The following DIAPH2 variants were observed in gnomAD, a reference collection of about 807,000 sequenced individuals.
DIAPH2 encodes protein diaphanous homolog 2.
Under a neutral mutation model 92.7 loss-of-function variants are expected in DIAPH2, and 35 were observed. The ratio of observed to expected loss-of-function variants is 0.38; its 90% CI spans 0.29 to 0.50. DIAPH2 has a LOEUF of 0.50. Ranked by LOEUF, DIAPH2 falls within the 20% of genes least tolerant of loss-of-function variation. The pLI, the probability that DIAPH2 is intolerant of heterozygous loss-of-function variation, is 0.94. For missense variants in DIAPH2, 701 were observed against 819.5 expected, an observed-to-expected ratio of 0.86 and a Z score of 1.77; for synonymous variants, 301 against 280.4, an observed-to-expected ratio of 1.07 and a Z score of -0.73.
At chrX:96,812,183 T>C (rs919420153) in intron 4 of DIAPH2, among the ~76,000 whole-genome samples, 9 of 111,918 alleles carry the variant, frequency 8.0e-5, no homozygotes, top group African/African-American at 2.9e-4. Context: ...TATTAATTAT[T>C]GCCTCAATTT....
chrX:97,290,177 A>C (rs1477202626), intron 23 of DIAPH2, among the ~76,000 whole-genome samples: 2 of 110,165 alleles, frequency 1.8e-5, no homozygotes, highest in East Asian at 2.8e-4. Context: ...AAAATGCAAT[A>C]GAATTCTGGA....
chrX:97,517,015 T>C lies in DIAPH2; in HGVS notation c.3242-82238T>C, dbSNP rs752747129. ...CAAGGTGTACAGCATGATATTTTTA[T>C]ATGCATATACATTGTGGAATGATTT... is the stretch of plus-strand genomic sequence containing the variant. On this transcript the variant is annotated intron_variant, in intron 26 of 26. Coordinates refer to ENST00000324765, the MANE Select transcript of DIAPH2 (RefSeq NM_006729.5). Among the ~76,000 whole-genome samples, 6 of 112,762 alleles carry C rather than the reference T, an allele frequency of 5.3e-5. No individual in the cohort carries two copies. The South Asian group carries it at 2.2e-3, about 41-fold the overall frequency.
At chrX:97,430,659 A>C (rs2147777830) in intron 26 of DIAPH2, among the ~76,000 whole-genome samples, 1 of 112,599 alleles carries the variant, frequency 8.9e-6, no homozygotes, top group South Asian at 3.7e-4. Flanking sequence ...GCAATTCCAA[A>C]AATATTCTCT....
chrX:97,336,973 AGT>A (rs1272833941), intron 23 of DIAPH2, among the ~76,000 whole-genome samples: 3 of 111,127 alleles, frequency 2.7e-5, no homozygotes, highest in Non-Finnish European at 5.7e-5. Flanking sequence ...TTTATGGAAA[AGT>A]GGGGTCATTG....
intron 15 of DIAPH2, among the ~76,000 whole-genome samples, chrX:96,957,060 A>G (rs2065815349): frequency 1.8e-5 from 2 of 112,505 alleles, no homozygotes; most frequent in South Asian, 7.3e-4. Flanking sequence ...TCGCTCTGTC[A>G]CCAAGGCTGG....
chrX:97,576,703 AGAAT>A (rs947726940), intron 26 of DIAPH2, among the ~76,000 whole-genome samples: 10 of 111,476 alleles, frequency 9.0e-5, no homozygotes, highest in Non-Finnish European at 1.9e-4. Flanking sequence ...ACTAGAGAAA[AGAAT>A]GAATTTATTT....
chrX:97,245,288 C>A (rs1459112969), intron 22 of DIAPH2, among the ~76,000 whole-genome samples: 2 of 109,186 alleles, frequency 1.8e-5, no homozygotes, highest in African/African-American at 6.8e-5. Flanking sequence ...AGGCACATAA[C>A]CACCGCACCC....
At chrX:96,738,545 C>A (rs746244564) in intron 2 of DIAPH2, 41 bp from the exon 3 acceptor site, 2 of 1,113,949 alleles carry the variant, frequency 1.8e-6, no homozygotes, top group Admixed American at 5.7e-5. Context: ...AGTTCTTGAT[C>A]TTTTTCTCAG....
intron 22 of DIAPH2, among the ~76,000 whole-genome samples, chrX:97,229,420 G>T (rs1159213427): frequency 9.0e-6 from 1 of 111,713 alleles, no homozygotes; most frequent in Non-Finnish European, 1.9e-5. Context: ...CTTCCTAAAA[G>T]TGGCAATTGC....
intron 22 of DIAPH2, among the ~76,000 whole-genome samples, chrX:97,179,270 G>A (rs920081469): frequency 9.6e-6 from 1 of 103,934 alleles, no homozygotes; most frequent in African/African-American, 3.6e-5. Context: ...TTTAAGTTCC[G>A]GGATATATGT....
intron 20 of DIAPH2, among the ~76,000 whole-genome samples, chrX:97,107,973 G>A (rs775647266): frequency 1.8e-5 from 2 of 109,568 alleles, no homozygotes; most frequent in African/African-American, 3.3e-5. Flanking sequence ...CTCCTTTTCC[G>A]TCACATATGA....
intron 25 of DIAPH2, among the ~76,000 whole-genome samples, chrX:97,425,902 T>C (rs968022768): frequency 2.7e-5 from 3 of 110,453 alleles, no homozygotes; most frequent in Non-Finnish European, 5.7e-5. Flanking sequence ...GTTGAGGTTC[T>C]CTGGAATTGC....
At chrX:97,352,676 T>C (rs781212688) in intron 24 of DIAPH2, among the ~76,000 whole-genome samples, 4 of 107,839 alleles carry the variant, frequency 3.7e-5, no homozygotes, top group East Asian at 5.8e-4. Context: ...GAGACCATCC[T>C]GGCTAACACG....
chrX:97,405,682 G>A (rs1244263870), intron 25 of DIAPH2, among the ~76,000 whole-genome samples: 1 of 111,761 alleles, frequency 8.9e-6, no homozygotes, highest in Non-Finnish European at 1.9e-5. Flanking sequence ...TATTTTCTCA[G>A]AGTGTTGGTA....
chrX:97,207,405 G>T (rs1156888332), intron 22 of DIAPH2, among the ~76,000 whole-genome samples: 1 of 111,723 alleles, frequency 9.0e-6, no homozygotes, highest in African/African-American at 3.3e-5. Context: ...AACAGTAATC[G>T]CAAGAATGGC....
chrX:97,373,878 A>G (rs1402712211), intron 24 of DIAPH2, among the ~76,000 whole-genome samples: 2 of 110,665 alleles, frequency 1.8e-5, no homozygotes, highest in Non-Finnish European at 3.8e-5. Context: ...CTAGAATTAC[A>G]GGCGTGAGCC....
intron 4 of DIAPH2, among the ~76,000 whole-genome samples, chrX:96,834,848 G>A (rs769506616): frequency 9.0e-6 from 1 of 111,488 alleles, no homozygotes; most frequent in African/African-American, 3.3e-5. Context: ...TTTACCTTTT[G>A]ATTGTATTTG....
At chrX:97,400,038 G>A (rs570606228) in intron 25 of DIAPH2, among the ~76,000 whole-genome samples, 55 of 112,053 alleles carry the variant, frequency 4.9e-4, no homozygotes, top group Middle Eastern at 4.6e-3. Flanking sequence ...ACATGAATTT[G>A]GACCTTAATC....
intron 23 of DIAPH2, among the ~76,000 whole-genome samples, chrX:97,327,587 C>T (rs2068962975): frequency 9.0e-6 from 1 of 111,457 alleles, no homozygotes; most frequent in South Asian, 3.8e-4. Flanking sequence ...TGCCTGCCAC[C>T]ACACCTGGCT....
Sources: allele counts gnomAD v4.1 joint callset (sites outside exome capture counted in the v4.1 genomes callset), GRCh38; gene constraint gnomAD v4.1.1; transcripts MANE v1.5; gene names NCBI Gene and HGNC (gene_info 2026-07-23, HGNC 2026-07-21).